Variants in CLIC6 observed in about 807,000 individuals in gnomAD.
The protein encoded by CLIC6 is CLIC family member 6.
A neutral mutation model predicts 49.2 loss-of-function variants in CLIC6; 39 were observed. That is an observed-to-expected ratio of 0.79 (90% CI 0.61 to 1.04). The LOEUF (loss-of-function observed/expected upper bound fraction) is 1.04. CLIC6 is among the 50% of genes least tolerant of loss of function. The pLI, the probability that CLIC6 is intolerant of heterozygous loss-of-function variation, is 0.00. For missense variants in CLIC6, 988 were observed against 993.1 expected, an observed-to-expected ratio of 0.99 and a Z score of 0.07; for synonymous variants, 446 against 433.4, an observed-to-expected ratio of 1.03 and a Z score of -0.36.
In CLIC6 at chr21:34,670,711, G is replaced by A. The variant is rs766338902; in HGVS notation, c.1323G>A (p.Ala441=). ...RVNGRREDGE[A]SEPRALGQEH... is the part of the protein sequence containing the mutation. ...ACGGCCGCCGGGAGGACGGAGAGGC[G>A]TCCGAGCCCCGGGCCCTGGGGCAGG... Residue 441 remains alanine (A), a synonymous_variant, in exon 1 of 6, where the codon GCG becomes GCA. Coordinates refer to ENST00000349499, the MANE Select transcript of CLIC6 (RefSeq NM_053277.3). 3.8e-6 allele frequency: 6 copies of A among 1,595,568 alleles called. No individual in the cohort carries two copies. In the Admixed American group the frequency reaches 1.0e-4, roughly 27 times the overall value.
At chr21:34,702,278 G>A (rs1990204229) in intron 1 of CLIC6, among the ~76,000 whole-genome samples, 1 of 152,168 alleles carries the variant, frequency 6.6e-6, no homozygotes, top group South Asian at 2.1e-4. Flanking sequence ...GCTGAAACCT[G>A]CCCGTGTCCC....
In CLIC6 at chr21:34,701,896, G is replaced by C. The variant is rs149589987; in HGVS notation, c.1375-5384G>C. Among the ~76,000 whole-genome samples, 13 of 151,942 alleles carry C rather than the reference G, an allele frequency of 8.6e-5. No individual in the cohort carries two copies. In the East Asian group the frequency reaches 2.5e-3, roughly 30 times the overall value. On this transcript the variant is annotated intron_variant, in intron 1 of 5. Coordinates refer to ENST00000349499, the MANE Select transcript of CLIC6 (RefSeq NM_053277.3). ...GAAGGCAGCCTGGCGGACTTGCTGC[G>C]GGTGACTCAGGCCCTCTCACTTTCT...
intron 1 of CLIC6, among the ~76,000 whole-genome samples, chr21:34,704,854 G>A (rs1235839850): frequency 2.6e-5 from 4 of 152,158 alleles, no homozygotes; most frequent in East Asian, 3.9e-4. Context: ...CCGAGCAGGC[G>A]GAGAGCCCCG....
intron 1 of CLIC6, among the ~76,000 whole-genome samples, chr21:34,684,975 C>A (rs1989848742): frequency 6.6e-6 from 1 of 152,218 alleles, no homozygotes; most frequent in East Asian, 1.9e-4. Context: ...AGAAGCCAGG[C>A]AGTTGGGTCC....
chr21:34,676,655 C>T (rs541395195), intron 1 of CLIC6, among the ~76,000 whole-genome samples: 14 of 147,634 alleles, frequency 9.5e-5, no homozygotes, highest in African/African-American at 3.8e-4. Context: ...GAGCATGCAG[C>T]AGCAGCAGGA....
At chr21:34,677,382 T>A (rs1989693661) in intron 1 of CLIC6, among the ~76,000 whole-genome samples, 1 of 152,254 alleles carries the variant, frequency 6.6e-6, no homozygotes, top group Non-Finnish European at 1.5e-5. Flanking sequence ...CAGCTGGTAC[T>A]ACAGTATGGT....
At position 34,709,482 on chromosome 21, in the gene CLIC6, G is replaced by A. The variant is rs1395454483; in HGVS notation, c.1843G>A (p.Gly615Arg). The A allele has an allele frequency of 3.7e-6, 6 of 1,613,988 alleles. No individual in the cohort carries two copies. Among genetic ancestry groups the A allele is most frequent in the Non-Finnish European group, 5.1e-6 (6 of 1,179,862 alleles). ...TGTTTCTGGAAGGAAGTTTCTGGAT[G>A]GGGACGAGCTGACGCTGGCTGACTG... ...VTVSGRKFLDGDELTLADCNL... is the reference protein window; with the variant it reads ...VTVSGRKFLDRDELTLADCNL... Residue 615 changes from glycine to arginine, a missense_variant, in exon 5 of 6, where the codon GGG becomes AGG. Physicochemically the swap from Gly to Arg is moderately radical, Grantham distance 125. Transcript: ENST00000349499.
chr21:34,680,720 A>G (rs1177828691), intron 1 of CLIC6, among the ~76,000 whole-genome samples: 2 of 152,248 alleles, frequency 1.3e-5, no homozygotes, highest in Non-Finnish European at 2.9e-5. Context: ...AAGCAAAACA[A>G]GAGTCACCTT....
At chr21:34,704,470 C>A (rs2056000986) in intron 1 of CLIC6, among the ~76,000 whole-genome samples, 1 of 152,232 alleles carries the variant, frequency 6.6e-6, no homozygotes, top group Non-Finnish European at 1.5e-5. Flanking sequence ...GCAGTCACTG[C>A]TGCTGGCTAA....
intron 1 of CLIC6, among the ~76,000 whole-genome samples, chr21:34,691,234 A>G (rs533488094): frequency 2.6e-4 from 39 of 152,344 alleles, no homozygotes; most frequent in African/African-American, 8.7e-4. Flanking sequence ...TTCAGAGACT[A>G]CAAGGAAATG....
At chr21:34,713,321 A>G (rs1006448910) in intron 5 of CLIC6, among the ~76,000 whole-genome samples, 1 of 152,260 alleles carries the variant, frequency 6.6e-6, no homozygotes, top group African/African-American at 2.4e-5. Context: ...AATCTCAAAG[A>G]CAAGACACAA....
intron 5 of CLIC6, among the ~76,000 whole-genome samples, chr21:34,715,336 G>A (rs1382208836): frequency 6.6e-6 from 1 of 152,204 alleles, no homozygotes; most frequent in Non-Finnish European, 1.5e-5. Context: ...ATCGTGGAGT[G>A]AGATGGACCT....
intron 1 of CLIC6, among the ~76,000 whole-genome samples, chr21:34,704,668 C>A (rs985829735): frequency 6.6e-6 from 1 of 152,088 alleles, no homozygotes; most frequent in Non-Finnish European, 1.5e-5. Context: ...CGAGAAGGAG[C>A]CTGTTAAGAA....
intron 1 of CLIC6, among the ~76,000 whole-genome samples, chr21:34,700,048 G>A (rs1367399095): frequency 2.6e-5 from 4 of 152,134 alleles, no homozygotes; most frequent in Non-Finnish European, 5.9e-5. Context: ...GGTTGATAAA[G>A]CAAAGGGAAG....
chr21:34,700,790 G>A lies in CLIC6; in HGVS notation c.1375-6490G>A, dbSNP rs548568781. ...CCTTTTCACCGCTACAGAGGACTGT[G>A]GTGTCATTTCTGGAAAAGGAAGCAG... On this transcript the variant is annotated intron_variant, in intron 1 of 5. Transcript: ENST00000349499. Among the ~76,000 whole-genome samples the A allele has an allele frequency of 1.0e-4, 14 of 139,614 alleles. 3 individuals carry two copies. The highest frequency in any genetic ancestry group is 4.2e-4 in the Admixed American group (6 of 14,416). The allele number at this position is 139,614 out of a possible 152,430, so 91.6% of individuals were successfully genotyped here.
chr21:34,693,969 T>C (rs1990044466), intron 1 of CLIC6, among the ~76,000 whole-genome samples: 1 of 142,610 alleles, frequency 7.0e-6, no homozygotes, highest in Non-Finnish European at 1.5e-5. Context: ...TTGTTGTTGT[T>C]GTTTTCTTTT....
At chr21:34,712,593 G>C (rs1310660360) in intron 5 of CLIC6, among the ~76,000 whole-genome samples, 1 of 152,140 alleles carries the variant, frequency 6.6e-6, no homozygotes, top group Non-Finnish European at 1.5e-5. Context: ...AGATCTCTAG[G>C]GAGGCAGAAT....
intron 2 of CLIC6, 147 bp from the exon 3 acceptor site, chr21:34,707,797 G>A (rs183204510): frequency 8.8e-6 from 7 of 798,662 alleles, no homozygotes; most frequent in South Asian, 5.6e-5. Context: ...TACTTTCATC[G>A]CCAGCAAGAC....
intron 2 of CLIC6, 57 bp downstream of exon 2, chr21:34,707,446 C>A: frequency 1.4e-6 from 1 of 703,162 alleles, no homozygotes; most frequent in Non-Finnish European, 2.5e-6. Context: ...TGCACACACA[C>A]ACACACACAC....
Sources: gnomAD v4.1 joint callset for allele counts (sites outside exome capture counted in the v4.1 genomes callset) on GRCh38, gnomAD v4.1.1 for gene constraint, MANE v1.5 for transcripts, NCBI Gene and HGNC (gene_info 2026-07-23, HGNC 2026-07-21) for gene names.